MICU3: variants seen among roughly 807,000 people sequenced by gnomAD.
The protein encoded by MICU3 is calcium uptake protein 3, mitochondrial.
MICU3 carries 62 observed loss-of-function variants against 66.5 expected under a neutral mutation model. The observed-to-expected ratio is 0.93, with a 90% CI of 0.76 to 1.15. The LOEUF (loss-of-function observed/expected upper bound fraction) is 1.15. Ranked by LOEUF, MICU3 falls within the 50% of genes most tolerant of loss-of-function variation. MICU3 has a pLI of 0.00. For missense variants in MICU3, 779 were observed against 664.4 expected (o/e 1.17, Z -1.90); for synonymous variants, 308 against 240.7 (o/e 1.28, Z -2.59).
intron 9 of MICU3, among the ~76,000 whole-genome samples, chr8:17,099,464 T>C (rs1801069094): frequency 1.3e-5 from 2 of 151,936 alleles, no homozygotes; most frequent in Admixed American, 1.3e-4. Flanking sequence ...TGTTACTCTA[T>C]TGACATATCT....
At chr8:17,046,790 C>T (rs970981185) in intron 1 of MICU3, among the ~76,000 whole-genome samples, 3 of 152,028 alleles carry the variant, frequency 2.0e-5, no homozygotes, top group African/African-American at 7.2e-5. Flanking sequence ...GACATGAAAC[C>T]TGCAAATTTC....
At chr8:17,081,916 A>C in intron 5 of MICU3, 176 bp downstream of exon 5, 1 of 468,302 alleles carries the variant, frequency 2.1e-6, no homozygotes, top group Non-Finnish European at 3.9e-6. Flanking sequence ...TCAAAAACAT[A>C]AATGCTACAG....
At chr8:17,076,975 C>A (rs1406851097) in intron 3 of MICU3, among the ~76,000 whole-genome samples, 2 of 152,166 alleles carry the variant, frequency 1.3e-5, no homozygotes, top group Non-Finnish European at 2.9e-5. Flanking sequence ...GTCTTTTAAT[C>A]ATTTTTCTTC....
intron 11 of MICU3, among the ~76,000 whole-genome samples, chr8:17,109,374 AGG>A (rs1342909107): frequency 6.6e-6 from 1 of 152,176 alleles, no homozygotes; most frequent in African/African-American, 2.4e-5. Flanking sequence ...CACATGTACA[AGG>A]TTACTAATTA....
At chr8:17,101,503 C>T (rs898530317) in intron 9 of MICU3, among the ~76,000 whole-genome samples, 1 of 151,796 alleles carries the variant, frequency 6.6e-6, no homozygotes, top group African/African-American at 2.4e-5. Context: ...ATAAGTGCAA[C>T]CTACATCTCA....
chr8:17,072,863 G>A (rs1344945743), intron 3 of MICU3, among the ~76,000 whole-genome samples: 1 of 152,092 alleles, frequency 6.6e-6, no homozygotes. Flanking sequence ...GAAGGAACCA[G>A]GTCAGAATAT....
At chr8:17,054,738 CTTTTT>C (rs559605289) in intron 1 of MICU3, among the ~76,000 whole-genome samples, 2 of 122,768 alleles carry the variant, frequency 1.6e-5, no homozygotes, top group African/African-American at 3.2e-5. Flanking sequence ...TTCTTTCTTT[CTTTTT>C]TTTTTTTTTT....
chr8:17,065,247 CA>C (rs1445011817), intron 2 of MICU3, among the ~76,000 whole-genome samples: 1 of 152,108 alleles, frequency 6.6e-6, no homozygotes, highest in Non-Finnish European at 1.5e-5. Flanking sequence ...CCTCCAGAGA[CA>C]GCAATATGGC....
chr8:17,053,987 TATAAA>T (rs1439094616), intron 1 of MICU3, among the ~76,000 whole-genome samples: 1 of 152,214 alleles, frequency 6.6e-6, no homozygotes, highest in Non-Finnish European at 1.5e-5. Flanking sequence ...GCCTCACACT[TATAAA>T]TAAGGTAAGT....
At chr8:17,037,961 C>A (rs911705307) in intron 1 of MICU3, among the ~76,000 whole-genome samples, 18 of 152,112 alleles carry the variant, frequency 1.2e-4, no homozygotes, top group African/African-American at 4.3e-4. Context: ...ACAGTTTCTC[C>A]CATTTGGAAT....
At chr8:17,114,568 T>C (rs1033653306) in intron 12 of MICU3, among the ~76,000 whole-genome samples, 1 of 152,164 alleles carries the variant, frequency 6.6e-6, no homozygotes, top group Admixed American at 6.5e-5. Context: ...ACCTGTAAAA[T>C]TGAGTATCAG....
intron 8 of MICU3, among the ~76,000 whole-genome samples, chr8:17,094,566 T>C (rs1800463039): frequency 6.6e-6 from 1 of 152,028 alleles, no homozygotes; most frequent in Non-Finnish European, 1.5e-5. Context: ...TTGCATTCGA[T>C]CTGTTGCAAT....
At position 17,027,507 on chromosome 8, in the gene MICU3, G is replaced by T. The variant is rs1374485340; in HGVS notation, c.228G>T (p.Gly76=). ...ELSVAAAAGG[G]LVGLVCYQLY... ...GCGTGGCGGCGGCGGCCGGCGGGGG[G>T]CTGGTCGGCCTGGTATGCTACCAGC... The change falls in exon 1 of 15, where the codon GGG becomes GGT. Residue 76 remains glycine (G), a synonymous_variant. Transcript: ENST00000318063. 1 of 1,284,068 alleles carries T rather than the reference G, an allele frequency of 7.8e-7. No homozygotes were observed. The highest frequency in any genetic ancestry group is 9.8e-7 in the Non-Finnish European group (1 of 1,020,278). The allele number at this position is 1,284,068 out of a possible 1,614,324, so 79.5% of individuals were successfully genotyped here.
chr8:17,075,964 C>T (rs1036383849), intron 3 of MICU3, among the ~76,000 whole-genome samples: 3 of 152,094 alleles, frequency 2.0e-5, no homozygotes, highest in African/African-American at 7.2e-5. Context: ...AATATTTATA[C>T]AGTTACAATA....
chr8:17,076,811 G>T (rs764389329), intron 3 of MICU3, among the ~76,000 whole-genome samples: 2 of 152,140 alleles, frequency 1.3e-5, no homozygotes, highest in Non-Finnish European at 2.9e-5. Context: ...TCTGCATTTC[G>T]CACAAGCTCT....
chr8:17,129,533 G>T, the MICU3 span, among the ~76,000 whole-genome samples: 1 of 152,124 alleles, frequency 6.6e-6, no homozygotes, highest in Non-Finnish European at 1.5e-5. Flanking sequence ...GAACCTAATA[G>T]AAGATTGGAG....
intron 1 of MICU3, among the ~76,000 whole-genome samples, chr8:17,044,413 T>G (rs1814716279): frequency 6.6e-6 from 1 of 152,244 alleles, no homozygotes; most frequent in East Asian, 1.9e-4. Context: ...TGTGTAATTC[T>G]AGTATCTTCT....
chr8:17,029,349 G>C (rs994633002), intron 1 of MICU3, among the ~76,000 whole-genome samples: 2 of 152,050 alleles, frequency 1.3e-5, no homozygotes, highest in Non-Finnish European at 2.9e-5. Context: ...GGTGTTGGGC[G>C]CTTGTAATCC....
At chr8:17,118,609 A>AC (rs759015097) in intron 13 of MICU3, 98 bp from the exon 14 acceptor site, 256 of 750,628 alleles carry the variant, frequency 3.4e-4, no homozygotes, top group Non-Finnish European at 5.3e-4. Flanking sequence ...TCTACTCTCC[A>AC]CTTCTATGAG....
Sources: gnomAD v4.1 joint callset for allele counts (sites outside exome capture counted in the v4.1 genomes callset) on GRCh38, gnomAD v4.1.1 for gene constraint, MANE v1.5 for transcripts, NCBI Gene and HGNC (gene_info 2026-07-23, HGNC 2026-07-21) for gene names.